Variants in SLC22A5 observed in about 807,000 individuals in gnomAD.
SLC22A5 encodes the protein solute carrier family 22 member 5.
SLC22A5 carries 44 observed loss-of-function variants against 56.7 expected under a neutral mutation model. That is an observed-to-expected ratio of 0.78 (90% CI 0.61 to 1.00). The LOEUF (loss-of-function observed/expected upper bound fraction) is 1.00. Among genes scored for constraint, SLC22A5 ranks in the 50% least tolerant of loss-of-function variants. The probability of loss-of-function intolerance (pLI) is 0.00; values close to 1 mark genes in which losing one functional copy is unlikely to be tolerated. For missense variants in SLC22A5, 675 were observed against 723.0 expected, an observed-to-expected ratio of 0.93 and a Z score of 0.76; for synonymous variants, 278 against 292.1, an observed-to-expected ratio of 0.95 and a Z score of 0.49.
At chr5:132,377,829 T>G in intron 1 of SLC22A5, 1 of 305,374 alleles carries the variant, frequency 3.3e-6, no homozygotes, top group South Asian at 4.8e-5. Flanking sequence ...GCATCAGGGA[T>G]TCCAGCTCTA....
At chr5:132,389,235 C>T (rs1234792479) in intron 6 of SLC22A5, 3 of 539,874 alleles carry the variant, frequency 5.6e-6, no homozygotes, top group African/African-American at 3.8e-5. Flanking sequence ...ATTGTGGAGG[C>T]TGTTGTGGGA....
At chr5:132,384,626 A>G (rs995580245) in intron 3 of SLC22A5, among the ~76,000 whole-genome samples, 31 of 152,244 alleles carry the variant, frequency 2.0e-4, no homozygotes, top group Non-Finnish European at 4.1e-4. Flanking sequence ...AGGGCCTGCC[A>G]CTGCACAGGG....
Position 132,385,472 on chromosome 5 carries a change from CG to C in SLC22A5, c.802del (p.Val268CysfsTer28), listed in dbSNP as rs2126783993. On this transcript the variant is annotated frameshift_variant, in exon 4 of 10. Transcript: ENST00000245407. LOFTEE classifies it high-confidence loss of function. The part of the protein sequence containing the change: ...WRMLLVALTM[P>X]GVLCVALWWF... ...ATGCTGCTGGTGGCGCTGACGATGC[CG>C]GGGGTGCTATGCGTGGCACTCTGGT... 6.2e-7 allele frequency: 1 copy of C among 1,614,024 alleles called. No homozygotes were observed. The highest frequency in any genetic ancestry group is 1.3e-5 in the African/African-American group (1 of 75,012).
At chr5:132,375,160 G>A (rs1752092135) in intron 1 of SLC22A5, among the ~76,000 whole-genome samples, 1 of 152,214 alleles carries the variant, frequency 6.6e-6, no homozygotes, top group South Asian at 2.1e-4. Context: ...GTTGAAGGTT[G>A]ATACCTTTTT....
intron 7 of SLC22A5, among the ~76,000 whole-genome samples, chr5:132,391,321 A>G (rs1752693623): frequency 1.3e-5 from 2 of 152,152 alleles, no homozygotes; most frequent in Non-Finnish European, 2.9e-5. Context: ...GCCAGGCAGA[A>G]CCCCAGGCCC....
intron 3 of SLC22A5, 39 bp downstream of exon 3, chr5:132,384,340 A>G: frequency 6.3e-7 from 1 of 1,591,334 alleles, no homozygotes; most frequent in East Asian, 2.2e-5. Context: ...TTGATCCTGT[A>G]TTTCACCATC....
At position 132,390,870 on chromosome 5, in the gene SLC22A5, C is replaced by T. The variant is rs777469186; in HGVS notation, c.1233C>T (p.Gly411=). 1.2e-6 allele frequency: 2 copies of T among 1,614,200 alleles called. No individual in the cohort carries two copies. The highest frequency in any genetic ancestry group is 2.2e-5 in the East Asian group (1 of 44,890). The part of the protein sequence containing the change: ...YSMATALFLG[G]SVLLFMQLVP... The stretch of plus-strand genomic sequence containing the variant: ...TGGCCACTGCCCTCTTCCTGGGTGG[C>T]AGTGTCCTTCTCTTCATGCAGCTGG... The change falls in exon 7 of 10, where the codon GGC becomes GGT. Residue 411 remains glycine (G), a synonymous_variant. Coordinates refer to ENST00000245407, the MANE Select transcript of SLC22A5 (RefSeq NM_003060.4).
intron 8 of SLC22A5, 28 bp downstream of exon 8, chr5:132,392,643 A>G (rs199676166): frequency 3.8e-6 from 6 of 1,598,640 alleles, no homozygotes; most frequent in Non-Finnish European, 8.6e-7. Flanking sequence ...AGGGCACACT[A>G]GAGCAACGGG....
chr5:132,372,173 G>A (rs1039390784), intron 1 of SLC22A5, among the ~76,000 whole-genome samples: 2 of 152,118 alleles, frequency 1.3e-5, no homozygotes, highest in Non-Finnish European at 2.9e-5. Context: ...GTGCTTTCTG[G>A]CCCATGAATC....
chr5:132,379,567 C>T (rs932040451), intron 2 of SLC22A5: 5 of 152,294 alleles, frequency 3.3e-5, no homozygotes, highest in South Asian at 2.1e-4. Context: ...TCACTGCAAC[C>T]TCTGCCTCGC....
At chr5:132,384,942 G>C (rs754634255) in intron 3 of SLC22A5, among the ~76,000 whole-genome samples, 62 of 152,124 alleles carry the variant, frequency 4.1e-4, no homozygotes, top group Non-Finnish European at 6.5e-4. Context: ...TTGTTGAAAG[G>C]GTTGTTTTTT....
intron 2 of SLC22A5, chr5:132,381,719 T>A (rs929499305): frequency 6.6e-6 from 1 of 152,250 alleles, no homozygotes; most frequent in Admixed American, 6.5e-5. Flanking sequence ...TTGTAAGAGA[T>A]GCACAACTCT....
chr5:132,378,719 C>T lies in SLC22A5; in HGVS notation c.497+238C>T, dbSNP rs113995691. 5.3e-3 allele frequency: 2,812 copies of T among 529,836 alleles called. 15 individuals carry two copies. The highest frequency in any genetic ancestry group is 7.5e-3 in the Non-Finnish European group (2,205 of 293,838). 32.8% of individuals were successfully genotyped at this position (529,836 alleles called of 1,614,324 possible). On this transcript the variant is annotated intron_variant, in intron 2 of 9. Transcript: ENST00000245407. Reference sequence around the variant, plus strand: ...GTCTAAGCTGAATGTATCTGTGACCCGGTTGACTAGGTAATATGCCATGAT... The same window carrying T: ...GTCTAAGCTGAATGTATCTGTGACCTGGTTGACTAGGTAATATGCCATGAT...
chr5:132,374,998 G>A (rs763046251), intron 1 of SLC22A5, among the ~76,000 whole-genome samples: 1 of 152,124 alleles, frequency 6.6e-6, no homozygotes, highest in African/African-American at 2.4e-5. Flanking sequence ...AGGTTGCAGT[G>A]AGCCGAGATT....
intron 5 of SLC22A5, among the ~76,000 whole-genome samples, chr5:132,387,547 C>T (rs185425574): frequency 2.5e-3 from 386 of 152,114 alleles, no homozygotes; most frequent in Non-Finnish European, 4.4e-3. Flanking sequence ...TAACCCCAAA[C>T]GTAAAATGTA....
chr5:132,388,643 G>A (rs1389008936), intron 5 of SLC22A5, among the ~76,000 whole-genome samples: 1 of 152,148 alleles, frequency 6.6e-6, no homozygotes, highest in African/African-American at 2.4e-5. Flanking sequence ...GGGGTGCAGT[G>A]AGGAAGCTGT....
Position 132,369,903 on chromosome 5 carries a change from CCG to C in SLC22A5, c.-64_-63del. On this transcript the variant is annotated 5_prime_UTR_variant, in exon 1 of 10. Transcript: ENST00000245407. The stretch of plus-strand genomic sequence containing the variant: ...GCTTGCCTGGTCGGCGGCGGGTGCC[CCG>C]CGCGCACGCGCAAAGCCCGCCGCGT... The C allele has an allele frequency of 1.3e-6, 2 of 1,577,850 alleles. No individual in the cohort carries two copies. The highest frequency in any genetic ancestry group is 1.7e-6 in the Non-Finnish European group (2 of 1,165,410).
At position 132,384,129 on chromosome 5, in the gene SLC22A5, C is replaced by T; in HGVS notation, c.498-18C>T. On this transcript the variant is annotated intron_variant, in intron 2 of 9. Transcript: ENST00000245407. ...CCCTTTTCCAGCTGGTTATCTGTCACTCTCCTTTTCTTCCCAGGTTTGGCC... is the reference window on the plus strand; with the variant it reads ...CCCTTTTCCAGCTGGTTATCTGTCATTCTCCTTTTCTTCCCAGGTTTGGCC... The T allele has an allele frequency of 1.9e-6, 3 of 1,614,066 alleles. No individual in the cohort carries two copies. The highest frequency in any genetic ancestry group is 1.3e-5 in the African/African-American group (1 of 75,050).
chr5:132,379,494 T>G (rs1752276171), intron 2 of SLC22A5: 1 of 150,632 alleles, frequency 6.6e-6, no homozygotes, highest in African/African-American at 2.5e-5. Flanking sequence ...TGTTGTTGTT[T>G]TTTTTTGGAA....
Sources: allele counts gnomAD v4.1 joint callset (sites outside exome capture counted in the v4.1 genomes callset), GRCh38; gene constraint gnomAD v4.1.1; transcripts MANE v1.5; gene names NCBI Gene and HGNC (gene_info 2026-07-23, HGNC 2026-07-21).